Variants in MIA2 observed in about 807,000 individuals in gnomAD.
MIA2 encodes melanoma inhibitory activity protein 2.
In MIA2, 127 loss-of-function variants were observed where a neutral mutation model predicts 167.8. The observed-to-expected ratio is 0.76, with a 90% CI of 0.66 to 0.88. The LOEUF is 0.88. Among genes scored for constraint, MIA2 ranks in the 40% least tolerant of loss-of-function variants. MIA2 has a pLI of 0.00. For synonymous variants in MIA2, 552 were observed against 541.9 expected, an observed-to-expected ratio of 1.02 and a Z score of -0.26; for missense variants, 1,690 against 1,624.7, an observed-to-expected ratio of 1.04 and a Z score of -0.69.
intron 20 of MIA2, chr14:39,315,006 G>C: frequency 4.9e-6 from 2 of 410,206 alleles, no homozygotes; most frequent in Non-Finnish European, 8.4e-6. Flanking sequence ...GTATTGGCTG[G>C]GTGCAGTGGC....
intron 25 of MIA2, among the ~76,000 whole-genome samples, chr14:39,328,345 C>G (rs568732513): frequency 6.6e-6 from 1 of 151,370 alleles, no homozygotes; most frequent in East Asian, 1.9e-4. Context: ...ATTTAAGTTG[C>G]TTGTAGATTG....
intron 2 of MIA2, among the ~76,000 whole-genome samples, chr14:39,238,092 CAT>C (rs994799551): frequency 2.0e-5 from 3 of 151,896 alleles, no homozygotes; most frequent in East Asian, 1.9e-4. Context: ...GATTCAAAGA[CAT>C]GTGTTTCTGA....
intron 3 of MIA2, among the ~76,000 whole-genome samples, chr14:39,241,350 G>C (rs2054029529): frequency 6.6e-6 from 1 of 152,016 alleles, no homozygotes; most frequent in African/African-American, 2.4e-5. Context: ...CCTATTTTCT[G>C]GCTCTTTCCC....
At chr14:39,334,780 C>A (rs976779660) in intron 25 of MIA2, among the ~76,000 whole-genome samples, 1 of 152,106 alleles carries the variant, frequency 6.6e-6, no homozygotes, top group African/African-American at 2.4e-5. Context: ...GTTGGCCAGG[C>A]TTGTCTCGAA....
chr14:39,356,426 C>T lies in MIA2; in HGVS notation c.2248+7449C>T, dbSNP rs545925046. ...CCCCTTTATCATTTTTTATTGTGTC[C>T]GTTTGATTCTTCTCTCATTTCTTCT... On this transcript the variant is annotated intron_variant, in intron 23 of 23. Transcript: ENST00000341502. 7.8e-3 allele frequency among the ~76,000 whole-genome samples: 1,187 copies of T among 151,750 alleles called. 14 individuals carry two copies. Among genetic ancestry groups the T allele is most frequent in the African/African-American group, 0.026 (1,082 of 41,358 alleles).
intron 23 of MIA2, among the ~76,000 whole-genome samples, chr14:39,361,229 C>T (rs919158862): frequency 6.6e-6 from 1 of 152,076 alleles, no homozygotes; most frequent in Admixed American, 6.6e-5. Flanking sequence ...TTATAGATTG[C>T]TTTAGGTAAT....
chr14:39,260,239 G>A (rs1321284446), intron 6 of MIA2, among the ~76,000 whole-genome samples: 1 of 152,188 alleles, frequency 6.6e-6, no homozygotes, highest in Non-Finnish European at 1.5e-5. Flanking sequence ...GGATCCCTGG[G>A]TCAAATGGTA....
chr14:39,251,584 CT>C (rs1262316833), intron 4 of MIA2, among the ~76,000 whole-genome samples: 1 of 151,912 alleles, frequency 6.6e-6, no homozygotes, highest in Non-Finnish European at 1.5e-5. Flanking sequence ...TTGAATAATC[CT>C]TTTTTTCTTA....
chr14:39,373,306 CAAA>C (rs34602556), intron 23 of MIA2, among the ~76,000 whole-genome samples: 13 of 110,934 alleles, frequency 1.2e-4, no homozygotes, highest in Non-Finnish European at 1.9e-4. Context: ...AATTCTTGGC[CAAA>C]AAAAAAAAAA....
At chr14:39,248,166 G>C (rs771246760) in intron 4 of MIA2, 25 bp downstream of exon 4, 6 of 1,293,510 alleles carry the variant, frequency 4.6e-6, no homozygotes, top group Non-Finnish European at 5.1e-6. Context: ...ATTTACATTA[G>C]AATTTATTTT....
intron 9 of MIA2, among the ~76,000 whole-genome samples, chr14:39,288,467 A>ATTT (rs1264770913): frequency 6.4e-4 from 33 of 51,572 alleles, no homozygotes; most frequent in African/African-American, 7.1e-4. Context: ...ATATATATAT[A>ATTT]TATATATATT....
chr14:39,266,120 T>C (rs1383823447), intron 6 of MIA2: 21 of 985,316 alleles, frequency 2.1e-5, no homozygotes, highest in Non-Finnish European at 2.5e-5. Flanking sequence ...TTCCTAAGGA[T>C]TTAAGATTTT....
At chr14:39,279,409 T>C (rs1329232418) in intron 8 of MIA2, 40 bp from the exon 9 acceptor site, 7 of 1,600,198 alleles carry the variant, frequency 4.4e-6, no homozygotes, top group Admixed American at 1.7e-5. Flanking sequence ...TAAAAACTTA[T>C]AATAATTTAC....
chr14:39,259,978 A>G (rs1377406443), intron 6 of MIA2, among the ~76,000 whole-genome samples: 1 of 151,908 alleles, frequency 6.6e-6, no homozygotes, highest in Non-Finnish European at 1.5e-5. Context: ...CTGTCCTTGC[A>G]ATAGTTTGCT....
chr14:39,277,764 A>ATATATATGTGTG (rs2058359012), intron 7 of MIA2, among the ~76,000 whole-genome samples: 1 of 31,772 alleles, frequency 3.1e-5, no homozygotes, highest in Non-Finnish European at 5.5e-5. Flanking sequence ...ATATATATAT[A>ATATATATGTGTG]TATATATATA....
intron 18 of MIA2, among the ~76,000 whole-genome samples, chr14:39,312,134 T>C (rs908702396): frequency 3.9e-5 from 6 of 152,166 alleles, no homozygotes; most frequent in African/African-American, 9.6e-5. Flanking sequence ...GACCAAGATA[T>C]GATATTTTTA....
At position 39,350,525 on chromosome 14, in the gene MIA2, A is replaced by G. The variant is rs2074275308; in HGVS notation, c.*261A>G. 3.1e-6 allele frequency: 1 copy of G among 326,688 alleles called. No homozygotes were observed. 20.2% of individuals were successfully genotyped at this position (326,688 alleles called of 1,614,324 possible). A position where few individuals can be genotyped will look rare whatever the true frequency, so the allele number is the denominator to read the frequency against. Reference sequence around the variant, plus strand: ...CAATAGTGGGAGTTTTATATATGTAATCTTTCAGGTGGGGAGGCTTTAAAT... The same window carrying G: ...CAATAGTGGGAGTTTTATATATGTAGTCTTTCAGGTGGGGAGGCTTTAAAT... On this transcript the variant is annotated 3_prime_UTR_variant, in exon 29 of 29. Coordinates refer to ENST00000640607, the MANE Select transcript of MIA2 (RefSeq NM_001329214.4).
At chr14:39,267,585 A>T in intron 6 of MIA2, 1 of 1,590,996 alleles carries the variant, frequency 6.3e-7, no homozygotes, top group South Asian at 1.1e-5. Context: ...GGGGGAAGGA[A>T]GCAGTAGACC....
intron 6 of MIA2, chr14:39,269,096 T>TTTTTTTTTTTTTTTTTA (rs2056639556): frequency 1.1e-6 from 1 of 906,808 alleles, no homozygotes; most frequent in Non-Finnish European, 1.3e-6. Flanking sequence ...TTTTTTTTTT[T>TTTTTTTTTTTTTTTTTA]TTTGCTAAAT....
Sources: allele counts gnomAD v4.1 joint callset (sites outside exome capture counted in the v4.1 genomes callset), GRCh38; gene constraint gnomAD v4.1.1; transcripts MANE v1.5; gene names NCBI Gene and HGNC (gene_info 2026-07-23, HGNC 2026-07-21).